GALNT11: variants seen among roughly 807,000 people sequenced by gnomAD.
GALNT11 encodes UDP-GalNAc:polypeptide N-acetylgalactosaminyltransferase 11.
In GALNT11, 47 loss-of-function variants were observed where a neutral mutation model predicts 72.7. The observed-to-expected ratio is 0.65, with a 90% CI of 0.51 to 0.82. GALNT11 has a LOEUF of 0.82. Among genes scored for constraint, GALNT11 ranks in the 40% least tolerant of loss-of-function variants. The pLI, the probability that GALNT11 is intolerant of heterozygous loss-of-function variation, is 0.00. For missense variants in GALNT11, 677 were observed against 778.4 expected, an observed-to-expected ratio of 0.87 and a Z score of 1.55; for synonymous variants, 270 against 286.6, an observed-to-expected ratio of 0.94 and a Z score of 0.58.
At position 152,064,629 on chromosome 7, in the gene GALNT11, G is replaced by C. The variant is rs2084204825; in HGVS notation, c.-38-29561G>C. ...TCCATCTTTAGTGCTTCCTTCAGGA[G>C]CTCTTTTAGGGCAGGCCTGATGGTG... On this transcript the variant is annotated intron_variant, in intron 1 of 11. Transcript: ENST00000430044. Among the ~76,000 whole-genome samples, 3 of 152,194 alleles carry C rather than the reference G, an allele frequency of 2.0e-5. No homozygotes were observed. In the South Asian group the frequency reaches 6.2e-4, roughly 32 times the overall value.
chr7:152,120,955 A>G lies in GALNT11; in HGVS notation c.1682A>G (p.Gln561Arg). The G allele has an allele frequency of 6.2e-7, 1 of 1,613,990 alleles. No homozygotes were observed. Among genetic ancestry groups the G allele is most frequent in the Non-Finnish European group, 8.5e-7 (1 of 1,179,992 alleles). ...TGCCACGGGTCAGGAGGATCCCAGC[A>G]GTGGACCTTTGGGGTGAGGAGTGCT... ...MKCHGSGGSQ[Q>R]WTFGKNNRLY... The change falls in exon 11 of 12, where the codon CAG becomes CGG. Residue 561 changes from glutamine to arginine, a missense_variant. Physicochemically the swap from Gln to Arg is conservative, Grantham distance 43. Coordinates refer to ENST00000430044, the MANE Select transcript of GALNT11 (RefSeq NM_022087.4).
At chr7:152,052,074 G>A (rs1465937825) in intron 1 of GALNT11, among the ~76,000 whole-genome samples, 3 of 151,982 alleles carry the variant, frequency 2.0e-5, no homozygotes, top group Non-Finnish European at 4.4e-5. Flanking sequence ...GTGTGAATAT[G>A]CGTATTCTAG....
At chr7:152,121,295 C>T (rs1024724978) in intron 11 of GALNT11, among the ~76,000 whole-genome samples, 2 of 152,294 alleles carry the variant, frequency 1.3e-5, no homozygotes, top group African/African-American at 4.8e-5. Context: ...GTGGGCGGAT[C>T]GCCGTAGCCC....
chr7:152,065,988 G>A (rs549849613), intron 1 of GALNT11, among the ~76,000 whole-genome samples: 1 of 152,328 alleles, frequency 6.6e-6, no homozygotes, highest in South Asian at 2.1e-4. Flanking sequence ...GGACATTTAA[G>A]TCTGCAGAGG....
chr7:152,044,576 G>T (rs534344209), intron 1 of GALNT11, among the ~76,000 whole-genome samples: 1 of 152,186 alleles, frequency 6.6e-6, no homozygotes, highest in African/African-American at 2.4e-5. Flanking sequence ...TTACTTTCTT[G>T]ATTTCGTTTT....
At chr7:152,047,709 T>TGTGTGTGTGTGTGTGTGTGC (rs528749652) in intron 1 of GALNT11, among the ~76,000 whole-genome samples, 4 of 151,206 alleles carry the variant, frequency 2.6e-5, no homozygotes, top group African/African-American at 7.3e-5. Context: ...TGTGTGTGTG[T>TGTGTGTGTGTGTGTGTGTGC]GCGCACACAC....
chr7:152,051,260 T>C (rs1338754914), intron 1 of GALNT11, among the ~76,000 whole-genome samples: 2 of 139,488 alleles, frequency 1.4e-5, no homozygotes, highest in East Asian at 4.7e-4. Flanking sequence ...TTTGACCAGA[T>C]CCACATTTAT....
chr7:152,099,319 TCTA>T (rs1345617978), intron 2 of GALNT11, among the ~76,000 whole-genome samples: 1 of 151,834 alleles, frequency 6.6e-6, no homozygotes. Flanking sequence ...GGAACAGAGT[TCTA>T]CTATTTTTTA....
chr7:152,118,917 C>A, intron 10 of GALNT11, 135 bp downstream of exon 10: 2 of 607,712 alleles, frequency 3.3e-6, no homozygotes, highest in Non-Finnish European at 5.4e-6. Context: ...TGTAGTGTTG[C>A]GTTATTGGAA....
At chr7:152,060,440 C>T (rs2128997712) in intron 1 of GALNT11, among the ~76,000 whole-genome samples, 1 of 152,142 alleles carries the variant, frequency 6.6e-6, no homozygotes, top group African/African-American at 2.4e-5. Flanking sequence ...TGGCTTTCCA[C>T]ATGCCTTCCT....
At chr7:152,101,783 A>G (rs2086934986) in intron 3 of GALNT11, among the ~76,000 whole-genome samples, 2 of 151,916 alleles carry the variant, frequency 1.3e-5, no homozygotes, top group Non-Finnish European at 2.9e-5. Context: ...ACAGGCGTGC[A>G]CCACCACGCC....
At chr7:152,027,428 G>A (rs2082075424) in intron 1 of GALNT11, among the ~76,000 whole-genome samples, 2 of 152,140 alleles carry the variant, frequency 1.3e-5, no homozygotes, top group African/African-American at 2.4e-5. Flanking sequence ...GTATTGGTTT[G>A]AACCCCGATG....
chr7:152,051,199 G>GTTTTTTT (rs35668155), intron 1 of GALNT11, among the ~76,000 whole-genome samples: 2 of 46,808 alleles, frequency 4.3e-5, no homozygotes, highest in Non-Finnish European at 9.8e-5. Context: ...ATATCTGGTT[G>GTTTTTTT]TTTTTTTTTT....
chr7:152,040,238 CCAGA>C (rs1209290613), intron 1 of GALNT11, among the ~76,000 whole-genome samples: 3 of 151,512 alleles, frequency 2.0e-5, no homozygotes, highest in South Asian at 2.1e-4. Context: ...GGCATGTAGC[CCAGA>C]CAAAGTGAGA....
intron 3 of GALNT11, among the ~76,000 whole-genome samples, chr7:152,101,642 T>TGGGG (rs35797393): frequency 6.4e-5 from 6 of 93,242 alleles, no homozygotes; most frequent in African/African-American, 2.4e-4. Flanking sequence ...GGCTTTTTTT[T>TGGGG]GGGGGGGGGG....
intron 1 of GALNT11, among the ~76,000 whole-genome samples, chr7:152,064,614 G>A (rs151299958): frequency 0.012 from 1,758 of 152,222 alleles, 36 homozygotes; most frequent in African/African-American, 0.041. Flanking sequence ...TCCATCTTTA[G>A]TGCTTCCTTC....
rs760511426 is a variant in GALNT11 at position 152,121,527 on chromosome 7, G to T, written c.1696-19G>T. On this transcript the variant is annotated intron_variant, in intron 11 of 11. Coordinates refer to ENST00000430044, the MANE Select transcript of GALNT11 (RefSeq NM_022087.4). ...TGCCAGTAATTGGCAGTATTTTTTTGTTGCTACCTTTTTTTCAGAAAAACA... is the reference window on the plus strand; with the variant it reads ...TGCCAGTAATTGGCAGTATTTTTTTTTTGCTACCTTTTTTTCAGAAAAACA... 1 of 1,598,448 alleles carries T rather than the reference G, an allele frequency of 6.3e-7. No homozygotes were observed. The highest frequency in any genetic ancestry group is 8.5e-7 in the Non-Finnish European group (1 of 1,173,252).
At chr7:152,084,061 A>C (rs2085477058) in intron 1 of GALNT11, among the ~76,000 whole-genome samples, 1 of 152,166 alleles carries the variant, frequency 6.6e-6, no homozygotes, top group Non-Finnish European at 1.5e-5. Flanking sequence ...TCCTTTAAAA[A>C]AATATTTGGC....
chr7:152,092,686 T>C (rs1008545404), intron 1 of GALNT11, among the ~76,000 whole-genome samples: 2 of 152,248 alleles, frequency 1.3e-5, no homozygotes, highest in Middle Eastern at 3.2e-3. Context: ...TTTACAGTGG[T>C]GCTTTACTGA....
Sources: allele counts gnomAD v4.1 joint callset (sites outside exome capture counted in the v4.1 genomes callset), GRCh38; gene constraint gnomAD v4.1.1; transcripts MANE v1.5; gene names NCBI Gene and HGNC (gene_info 2026-07-23, HGNC 2026-07-21).